KCNIP4: variants seen among roughly 807,000 people sequenced by gnomAD.
KCNIP4 encodes the protein potassium voltage-gated channel interacting protein 4.
Under a neutral mutation model 34.0 loss-of-function variants are expected in KCNIP4, and 12 were observed. The ratio of observed to expected loss-of-function variants is 0.35; its 90% CI spans 0.23 to 0.57. KCNIP4 has a LOEUF of 0.57. KCNIP4 is among the 20% of genes least tolerant of loss of function. KCNIP4 has a pLI of 0.83. For missense variants in KCNIP4, 238 were observed against 311.7 expected (o/e 0.76, Z 1.78); for synonymous variants, 124 against 102.2 (o/e 1.21, Z -1.29).
At chr4:21,198,749 A>G (rs894684504) in intron 1 of KCNIP4, among the ~76,000 whole-genome samples, 6 of 152,134 alleles carry the variant, frequency 3.9e-5, no homozygotes, top group Admixed American at 2.6e-4. Flanking sequence ...CCCCACTGTT[A>G]TATCTATCCT....
At chr4:20,917,351 TCTTA>T (rs1251878376) in intron 1 of KCNIP4, among the ~76,000 whole-genome samples, 1 of 151,870 alleles carries the variant, frequency 6.6e-6, no homozygotes, top group Non-Finnish European at 1.5e-5. Flanking sequence ...TTTGAATGAC[TCTTA>T]CTTCAACTCT....
chr4:21,539,809 T>A (rs995078131), intron 1 of KCNIP4, among the ~76,000 whole-genome samples: 3 of 151,982 alleles, frequency 2.0e-5, no homozygotes, highest in African/African-American at 7.3e-5. Context: ...TGAAACCCCG[T>A]TTCTACTAAA....
Position 21,170,622 on chromosome 4 carries a change from G to A in KCNIP4, c.62-287913C>T, listed in dbSNP as rs954173753. 4.6e-5 allele frequency among the ~76,000 whole-genome samples: 7 copies of A among 152,128 alleles called. No individual in the cohort carries two copies. The East Asian group carries it at 1.2e-3, about 25-fold the overall frequency. ...ATAATAAATGTAGCATAGAATTATA[G>A]AGAAACCTGAATTGAATTACATTGT... On this transcript the variant is annotated intron_variant, in intron 1 of 8. Coordinates refer to ENST00000382152, the MANE Select transcript of KCNIP4 (RefSeq NM_025221.6).
intron 1 of KCNIP4, among the ~76,000 whole-genome samples, chr4:21,639,884 A>G (rs1441549401): frequency 6.6e-6 from 1 of 152,178 alleles, no homozygotes; most frequent in Non-Finnish European, 1.5e-5. Context: ...TATGACTTCC[A>G]TCAGCCCTAC....
intron 1 of KCNIP4, among the ~76,000 whole-genome samples, chr4:21,146,030 T>G (rs1013102095): frequency 6.6e-6 from 1 of 152,182 alleles, no homozygotes; most frequent in Admixed American, 6.5e-5. Context: ...GTAATTAGCT[T>G]TACAAAGTCT....
chr4:21,544,983 A>G (rs889478062), intron 1 of KCNIP4, among the ~76,000 whole-genome samples: 2 of 152,122 alleles, frequency 1.3e-5, no homozygotes, highest in Non-Finnish European at 2.9e-5. Flanking sequence ...TAAGGCTGAG[A>G]TCTGCTGGGC....
At chr4:21,109,588 C>T (rs4464570) in intron 1 of KCNIP4, among the ~76,000 whole-genome samples, 21,714 of 152,134 alleles carry the variant, frequency 0.14, 1,616 homozygotes, top group South Asian at 0.19. Flanking sequence ...CTTTGGCTCG[C>T]GCATGGTGCG....
chr4:21,012,961 G>A (rs1013863643), intron 1 of KCNIP4, among the ~76,000 whole-genome samples: 6 of 152,170 alleles, frequency 3.9e-5, no homozygotes, highest in African/African-American at 1.4e-4. Flanking sequence ...CTGTAATCCT[G>A]AGAATTACAG....
At chr4:21,063,286 T>A (rs1191789067) in intron 1 of KCNIP4, among the ~76,000 whole-genome samples, 1 of 152,164 alleles carries the variant, frequency 6.6e-6, no homozygotes, top group Non-Finnish European at 1.5e-5. Flanking sequence ...TTGTTATGGC[T>A]AGCTTTAACA....
chr4:21,755,714 C>A (rs575883935), intron 1 of KCNIP4, among the ~76,000 whole-genome samples: 3 of 152,138 alleles, frequency 2.0e-5, no homozygotes, highest in Non-Finnish European at 2.9e-5. Flanking sequence ...GAAAAAAAAC[C>A]TGTAGTTAAT....
intron 1 of KCNIP4, among the ~76,000 whole-genome samples, chr4:21,174,920 A>G (rs1014347601): frequency 6.6e-6 from 1 of 151,988 alleles, no homozygotes; most frequent in Non-Finnish European, 1.5e-5. Flanking sequence ...AAAAAAGAAA[A>G]AAAAAGCATT....
At chr4:21,688,192 G>A (rs570375885) in intron 1 of KCNIP4, among the ~76,000 whole-genome samples, 3 of 152,168 alleles carry the variant, frequency 2.0e-5, no homozygotes, top group South Asian at 2.1e-4. Flanking sequence ...AAGTATTACC[G>A]GTTGAGTATC....
intron 1 of KCNIP4, among the ~76,000 whole-genome samples, chr4:21,594,741 T>C (rs1168431173): frequency 7.3e-6 from 1 of 137,506 alleles, no homozygotes; most frequent in Non-Finnish European, 1.6e-5. Flanking sequence ...TGGAAGCGTC[T>C]ACATGAAAAT....
chr4:21,941,787 G>C (rs1302543712), intron 1 of KCNIP4, among the ~76,000 whole-genome samples: 1 of 152,154 alleles, frequency 6.6e-6, no homozygotes, highest in African/African-American at 2.4e-5. Flanking sequence ...TGTTCGTTTA[G>C]GAAGAAAAAT....
Position 20,730,010 on chromosome 4 carries a change from G to C in KCNIP4, c.*72C>G. 6.5e-7 allele frequency: 1 copy of C among 1,529,266 alleles called. No individual in the cohort carries two copies. The highest frequency in any genetic ancestry group is 8.8e-7 in the Non-Finnish European group (1 of 1,136,958). 94.7% of individuals were successfully genotyped at this position (1,529,266 alleles called of 1,614,324 possible). A position where few individuals can be genotyped will look rare whatever the true frequency, so the allele number is the denominator to read the frequency against. On this transcript the variant is annotated 3_prime_UTR_variant, in exon 9 of 9. Coordinates refer to ENST00000382152, the MANE Select transcript of KCNIP4 (RefSeq NM_025221.6). Reference sequence around the variant, plus strand: ...TCAAGCTGAGCAATCTATGCTAAAAGTGGTAGCTCCAACTTTAAGGGTGGT... The same window carrying C: ...TCAAGCTGAGCAATCTATGCTAAAACTGGTAGCTCCAACTTTAAGGGTGGT...
intron 1 of KCNIP4, among the ~76,000 whole-genome samples, chr4:20,973,272 C>T (rs958757964): frequency 2.6e-5 from 4 of 152,210 alleles, no homozygotes; most frequent in African/African-American, 9.6e-5. Flanking sequence ...CTTGCTGCTT[C>T]GCTTTGCACT....
At chr4:21,482,600 G>C (rs1303484051) in intron 1 of KCNIP4, among the ~76,000 whole-genome samples, 1 of 152,058 alleles carries the variant, frequency 6.6e-6, no homozygotes, top group Non-Finnish European at 1.5e-5. Context: ...TGAAATTCTG[G>C]GGTGAAAATC....
chr4:21,198,607 G>C (rs985973356), intron 1 of KCNIP4, among the ~76,000 whole-genome samples: 1 of 152,174 alleles, frequency 6.6e-6, no homozygotes, highest in African/African-American at 2.4e-5. Context: ...GTAAAAGTAG[G>C]CCTTGGGTCT....
At chr4:20,845,305 C>T (rs931760138) in intron 3 of KCNIP4, among the ~76,000 whole-genome samples, 2 of 152,086 alleles carry the variant, frequency 1.3e-5, no homozygotes, top group Admixed American at 6.5e-5. Context: ...GATTAGGTAA[C>T]CCTGCGACAT....
Sources: allele counts gnomAD v4.1 joint callset (sites outside exome capture counted in the v4.1 genomes callset), GRCh38; gene constraint gnomAD v4.1.1; transcripts MANE v1.5; gene names NCBI Gene and HGNC (gene_info 2026-07-23, HGNC 2026-07-21).